Variants in NRXN1 observed in about 807,000 individuals in gnomAD.
NRXN1 encodes neurexin 1.
A neutral mutation model predicts 150.9 loss-of-function variants in NRXN1; 39 were observed. The ratio of observed to expected loss-of-function variants is 0.26; its 90% confidence interval spans 0.20 to 0.34. NRXN1 has a LOEUF of 0.34. Ranked by LOEUF, NRXN1 falls within the 10% of genes least tolerant of loss-of-function variation. The probability of loss-of-function intolerance (pLI) is 1.00; values close to 1 mark genes in which losing one functional copy is unlikely to be tolerated. For synonymous variants in NRXN1, 924 were observed against 757.0 expected (o/e 1.22, Z -3.62); for missense variants, 1,815 against 1,949.9 (o/e 0.93, Z 1.30).
chr2:50,091,893 T>A (rs1420937976), intron 18 of NRXN1, among the ~76,000 whole-genome samples: 1 of 152,166 alleles, frequency 6.6e-6, no homozygotes, highest in Non-Finnish European at 1.5e-5. Flanking sequence ...ATCAGAGCAA[T>A]GATGTCTGTT....
intron 5 of NRXN1, among the ~76,000 whole-genome samples, chr2:50,714,656 A>C (rs1379763850): frequency 6.6e-6 from 1 of 152,186 alleles, no homozygotes; most frequent in Admixed American, 6.5e-5. Flanking sequence ...GGAAGAATCA[A>C]AATATACCAA....
intron 2 of NRXN1, among the ~76,000 whole-genome samples, chr2:50,996,863 G>T (rs1030931867): frequency 2.0e-5 from 3 of 151,966 alleles, no homozygotes; most frequent in African/African-American, 7.2e-5. Flanking sequence ...TCTTCACATG[G>T]CGTAGGTTTC....
intron 8 of NRXN1, among the ~76,000 whole-genome samples, chr2:50,601,610 A>G (rs1217023247): frequency 6.6e-6 from 1 of 152,218 alleles, no homozygotes; most frequent in Non-Finnish European, 1.5e-5. Context: ...CAAGAATCTG[A>G]AATTTGAAAT....
At chr2:50,731,025 T>C (rs1325574637) in intron 5 of NRXN1, among the ~76,000 whole-genome samples, 1 of 152,192 alleles carries the variant, frequency 6.6e-6, no homozygotes, top group East Asian at 1.9e-4. Context: ...TTTAGCTTTA[T>C]CCTTGACTGT....
At chr2:50,991,757 G>A (rs549367082) in intron 2 of NRXN1, among the ~76,000 whole-genome samples, 175 of 152,084 alleles carry the variant, frequency 1.2e-3, no homozygotes, top group African/African-American at 4.0e-3. Context: ...CAAGGAGCAC[G>A]TTCTTCTGAG....
chr2:50,040,623 C>T (rs1690788981), intron 21 of NRXN1, among the ~76,000 whole-genome samples: 1 of 151,912 alleles, frequency 6.6e-6, no homozygotes, highest in Non-Finnish European at 1.5e-5. Flanking sequence ...GGTATCGTTG[C>T]TTTTTTATAT....
intron 5 of NRXN1, among the ~76,000 whole-genome samples, chr2:50,633,577 T>C (rs2104422112): frequency 6.6e-6 from 1 of 151,998 alleles, no homozygotes; most frequent in Non-Finnish European, 1.5e-5. Context: ...AAGAAGTAGG[T>C]CAGTATACAC....
chr2:50,777,555 G>A (rs1359471758), intron 5 of NRXN1, among the ~76,000 whole-genome samples: 1 of 152,038 alleles, frequency 6.6e-6, no homozygotes, highest in East Asian at 1.9e-4. Context: ...AACTATTTTG[G>A]CAACCAAGTA....
At chr2:50,274,513 G>A (rs2070170422) in intron 17 of NRXN1, among the ~76,000 whole-genome samples, 1 of 152,120 alleles carries the variant, frequency 6.6e-6, no homozygotes, top group East Asian at 1.9e-4. Flanking sequence ...GTATACCTAT[G>A]TAACAAATCT....
intron 5 of NRXN1, among the ~76,000 whole-genome samples, chr2:50,636,256 AT>A (rs1403418758): frequency 5.9e-5 from 9 of 152,044 alleles, no homozygotes; most frequent in Admixed American, 5.9e-4. Context: ...CTATTTATTT[AT>A]TTTTTTATTT....
intron 5 of NRXN1, among the ~76,000 whole-genome samples, chr2:50,695,974 C>G (rs762829831): frequency 1.3e-5 from 2 of 151,658 alleles, no homozygotes. Flanking sequence ...TCCCAAGCAG[C>G]TGGGATTACA....
chr2:50,588,866 G>A (rs1409993260), intron 8 of NRXN1: 1 of 152,136 alleles, frequency 6.6e-6, no homozygotes, highest in African/African-American at 2.4e-5. Context: ...AGTAGCGGAG[G>A]TGAAGTAGGC....
At chr2:49,974,703 T>C (rs1178388870) in intron 21 of NRXN1, among the ~76,000 whole-genome samples, 1 of 151,872 alleles carries the variant, frequency 6.6e-6, no homozygotes, top group Non-Finnish European at 1.5e-5. Flanking sequence ...AGTATTTTTA[T>C]GGGATGAGTT....
rs1057524337 is a variant in NRXN1 at position 50,496,082 on chromosome 2, C to T, written c.2893G>A (p.Val965Met). 4 of 1,601,888 alleles carry T rather than the reference C, an allele frequency of 2.5e-6. No homozygotes were observed. The highest frequency in any genetic ancestry group is 3.3e-4 in the Middle Eastern group (2 of 6,046). Residue 965 changes from valine (V) to methionine (M), a missense_variant, in exon 15 of 23, where the codon GTG becomes ATG. Transcript: ENST00000401669. ...VELVKGYLHY[V>M]FDLGNGANLI... ...TTAGCACCATTTCCCAAATCAAACACGTAATGTAAGTACCTGGGAAAAAAA... is the reference window on the plus strand; with the variant it reads ...TTAGCACCATTTCCCAAATCAAACATGTAATGTAAGTACCTGGGAAAAAAA...
chr2:50,343,623 CA>C (rs2077712867), intron 17 of NRXN1, among the ~76,000 whole-genome samples: 1 of 152,320 alleles, frequency 6.6e-6, no homozygotes, highest in Admixed American at 6.5e-5. Flanking sequence ...TCAGCTTGCA[CA>C]AAGATACTCG....
intron 5 of NRXN1, among the ~76,000 whole-genome samples, chr2:50,719,799 A>C (rs151215800): frequency 1.3e-3 from 204 of 152,334 alleles, no homozygotes; most frequent in African/African-American, 4.6e-3. Context: ...CTAGGTCTTT[A>C]TCTCTCTCAT....
intron 17 of NRXN1, among the ~76,000 whole-genome samples, chr2:50,306,611 T>C (rs746477953): frequency 6.6e-6 from 1 of 152,244 alleles, no homozygotes; most frequent in Non-Finnish European, 1.5e-5. Flanking sequence ...ACTTTCCCCT[T>C]TCAAAGAAAC....
In NRXN1 at chr2:50,230,256, A is replaced by G. The variant is rs530034899; in HGVS notation, c.3546+6533T>C. On this transcript the variant is annotated intron_variant, in intron 18 of 22. Coordinates refer to ENST00000401669, the MANE Select transcript of NRXN1 (RefSeq NM_001330078.2). Reference sequence around the variant, plus strand: ...GAGAGAATGGGAAGAAATCTTTTGAACAGGAATTAGAAATAGAGAGATGAC... The same window carrying G: ...GAGAGAATGGGAAGAAATCTTTTGAGCAGGAATTAGAAATAGAGAGATGAC... Among the ~76,000 whole-genome samples the G allele has an allele frequency of 3.3e-5, 5 of 152,204 alleles. No homozygotes were observed. The South Asian group carries it at 1.0e-3, about 32-fold the overall frequency.
chr2:50,502,404 G>C (rs867517235), intron 13 of NRXN1, among the ~76,000 whole-genome samples: 52 of 151,998 alleles, frequency 3.4e-4, no homozygotes, highest in African/African-American at 1.1e-3. Context: ...AACTGCCCTA[G>C]TTCACTCTAC....
Sources: allele counts gnomAD v4.1 joint callset (sites outside exome capture counted in the v4.1 genomes callset), GRCh38; gene constraint gnomAD v4.1.1; transcripts MANE v1.5; gene names NCBI Gene and HGNC (gene_info 2026-07-23, HGNC 2026-07-21).